Variants in KCNH7 observed in about 807,000 individuals in gnomAD.
KCNH7 encodes the protein potassium voltage-gated channel subfamily H member 7, also known as voltage-gated inwardly rectifying potassium channel KCNH7.
A neutral mutation model predicts 120.8 loss-of-function variants in KCNH7; 49 were observed. The observed-to-expected ratio is 0.41, with a 90% confidence interval of 0.32 to 0.51. The LOEUF (loss-of-function observed/expected upper bound fraction) is 0.51. Among genes scored for constraint, KCNH7 ranks in the 20% least tolerant of loss-of-function variants. The probability of loss-of-function intolerance (pLI) is 0.38; values close to 1 mark genes in which losing one functional copy is unlikely to be tolerated. For synonymous variants in KCNH7, 547 were observed against 516.1 expected (o/e 1.06, Z -0.81); for missense variants, 1,097 against 1,446.6 (o/e 0.76, Z 3.92).
At chr2:162,577,710 G>A (rs1442030036) in intron 2 of KCNH7, among the ~76,000 whole-genome samples, 1 of 151,886 alleles carries the variant, frequency 6.6e-6, no homozygotes, top group South Asian at 2.1e-4. Flanking sequence ...ATTCAAGGGA[G>A]AGTACTTCAC....
chr2:162,553,896 T>C (rs920935950), intron 2 of KCNH7, among the ~76,000 whole-genome samples: 3 of 152,218 alleles, frequency 2.0e-5, no homozygotes, highest in Non-Finnish European at 4.4e-5. Context: ...AATATGTCCT[T>C]TATTTAAAGA....
intron 2 of KCNH7, among the ~76,000 whole-genome samples, chr2:162,663,031 T>A (rs1685019318): frequency 6.6e-6 from 1 of 152,200 alleles, no homozygotes; most frequent in Non-Finnish European, 1.5e-5. Context: ...AAAGTAAGGC[T>A]TCTCTTACAT....
intron 2 of KCNH7, among the ~76,000 whole-genome samples, chr2:162,633,873 C>A (rs184947216): frequency 6.6e-6 from 1 of 152,032 alleles, no homozygotes; most frequent in East Asian, 1.9e-4. Context: ...AAAATAATTA[C>A]CCTTCTCTCC....
chr2:162,779,755 C>T (rs977487475), intron 2 of KCNH7, among the ~76,000 whole-genome samples: 1 of 152,226 alleles, frequency 6.6e-6, no homozygotes, highest in East Asian at 1.9e-4. Flanking sequence ...AACCACGCTC[C>T]CTCATGGTCT....
chr2:162,385,964 A>AGCAG (rs1362236549), intron 12 of KCNH7, among the ~76,000 whole-genome samples: 1 of 151,932 alleles, frequency 6.6e-6, no homozygotes, highest in African/African-American at 2.4e-5. Context: ...GAAGCCAGAA[A>AGCAG]GCAGCCCAAG....
chr2:162,713,522 C>T (rs796077563), intron 2 of KCNH7, among the ~76,000 whole-genome samples: 3 of 151,830 alleles, frequency 2.0e-5, no homozygotes, highest in African/African-American at 7.2e-5. Flanking sequence ...TAGTTACTAG[C>T]CATAAAATTA....
At chr2:162,836,445 C>T (rs930165768) in intron 2 of KCNH7, 92 bp downstream of exon 2, 54 of 895,186 alleles carry the variant, frequency 6.0e-5, no homozygotes, top group African/African-American at 2.5e-4. Context: ...TACAATTGAA[C>T]ATTTTGGGCT....
At chr2:162,447,726 A>G (rs904196691) in intron 6 of KCNH7, among the ~76,000 whole-genome samples, 1 of 152,088 alleles carries the variant, frequency 6.6e-6, no homozygotes, top group Non-Finnish European at 1.5e-5. Context: ...TGACTGTAGT[A>G]ATGAATTATG....
intron 2 of KCNH7, among the ~76,000 whole-genome samples, chr2:162,708,207 T>C (rs1686787775): frequency 6.6e-6 from 1 of 151,928 alleles, no homozygotes; most frequent in Non-Finnish European, 1.5e-5. Context: ...TATTGTCAAA[T>C]AAACATACAA....
intron 7 of KCNH7, among the ~76,000 whole-genome samples, chr2:162,442,004 T>C (rs1403164088): frequency 0.011 from 940 of 84,678 alleles, 41 homozygotes; most frequent in Admixed American, 0.086. Context: ...GTCTTCTTTT[T>C]TTTTTTTTTT....
chr2:162,422,109 G>A (rs1687725403), intron 9 of KCNH7, among the ~76,000 whole-genome samples: 1 of 152,114 alleles, frequency 6.6e-6, no homozygotes, highest in Non-Finnish European at 1.5e-5. Context: ...AATGACTCAT[G>A]GAGTTTTGTG....
intron 2 of KCNH7, among the ~76,000 whole-genome samples, chr2:162,704,959 G>T (rs1686642811): frequency 6.6e-6 from 1 of 152,092 alleles, no homozygotes; most frequent in South Asian, 2.1e-4. Flanking sequence ...AAACTTAAAA[G>T]AAATGAATTA....
At chr2:162,655,119 G>T (rs939022003) in intron 2 of KCNH7, among the ~76,000 whole-genome samples, 3 of 152,104 alleles carry the variant, frequency 2.0e-5, no homozygotes, top group Non-Finnish European at 4.4e-5. Flanking sequence ...TGCTAAGAGA[G>T]TAGATTTTGT....
intron 2 of KCNH7, among the ~76,000 whole-genome samples, chr2:162,546,134 C>T (rs888273956): frequency 6.6e-6 from 1 of 152,144 alleles, no homozygotes; most frequent in African/African-American, 2.4e-5. Flanking sequence ...TGCTTACCCA[C>T]TTCTCAGCTC....
chr2:162,739,293 A>C (rs1009172113), intron 2 of KCNH7, among the ~76,000 whole-genome samples: 12 of 152,132 alleles, frequency 7.9e-5, no homozygotes, highest in Non-Finnish European at 1.8e-4. Flanking sequence ...AATTCCTGCT[A>C]AATGGCCAAG....
At chr2:162,466,355 C>G (rs1452984340) in intron 6 of KCNH7, among the ~76,000 whole-genome samples, 1 of 152,150 alleles carries the variant, frequency 6.6e-6, no homozygotes, top group Non-Finnish European at 1.5e-5. Context: ...AGGGAAGCCT[C>G]AGAAAACTTA....
chr2:162,402,494 G>C (rs1687094972), intron 9 of KCNH7, among the ~76,000 whole-genome samples: 1 of 150,850 alleles, frequency 6.6e-6, no homozygotes, highest in South Asian at 2.1e-4. Context: ...CTCTGCATAT[G>C]AATTACCTCT....
chr2:162,649,947 C>T (rs570876571), intron 2 of KCNH7, among the ~76,000 whole-genome samples: 2 of 152,042 alleles, frequency 1.3e-5, no homozygotes, highest in African/African-American at 4.8e-5. Flanking sequence ...ATATATTGGG[C>T]CATTAGGTAA....
rs186928457 is a variant in KCNH7 at position 162,540,338 on chromosome 2, C to G, written c.308-3258G>C. On this transcript the variant is annotated intron_variant, in intron 2 of 15. Coordinates refer to ENST00000332142, the MANE Select transcript of KCNH7 (RefSeq NM_033272.4). ...GAAAACATTTCCAAAGTGGAAAAGA[C>G]TGTTTAGGAGGAACAGTGCTAATTT... Among the ~76,000 whole-genome samples, 5 of 151,742 alleles carry G rather than the reference C, an allele frequency of 3.3e-5. No homozygotes were observed. The East Asian group carries it at 9.7e-4, about 29-fold the overall frequency.
Sources: gnomAD v4.1 joint callset for allele counts (sites outside exome capture counted in the v4.1 genomes callset) on GRCh38, gnomAD v4.1.1 for gene constraint, MANE v1.5 for transcripts, NCBI Gene and HGNC (gene_info 2026-07-23, HGNC 2026-07-21) for gene names.